CADM2: variants seen among roughly 807,000 people sequenced by gnomAD.
The protein encoded by CADM2 is immunoglobulin superfamily member 4D.
A neutral mutation model predicts 49.8 loss-of-function variants in CADM2; 12 were observed. The ratio of observed to expected loss-of-function variants is 0.24; its 90% confidence interval spans 0.15 to 0.39. The LOEUF is 0.39. Among genes scored for constraint, CADM2 ranks in the 10% least tolerant of loss-of-function variants. The pLI, the probability that CADM2 is intolerant of heterozygous loss-of-function variation, is 1.00. For synonymous variants in CADM2, 214 were observed against 175.4 expected (o/e 1.22, Z -1.74); for missense variants, 378 against 492.3 (o/e 0.77, Z 2.20).
At chr3:86,054,162 C>T (rs924427286) in intron 8 of CADM2, among the ~76,000 whole-genome samples, 2 of 151,738 alleles carry the variant, frequency 1.3e-5, no homozygotes, top group African/African-American at 2.4e-5. Context: ...TAAAAAAAAG[C>T]ATAAGTCTTT....
intron 3 of CADM2, among the ~76,000 whole-genome samples, chr3:85,840,820 T>A (rs2074608738): frequency 6.6e-6 from 1 of 151,876 alleles, no homozygotes; most frequent in Admixed American, 6.6e-5. Context: ...TAAATTTATA[T>A]GAAATGAAAC....
chr3:85,776,902 G>A (rs752897748), intron 2 of CADM2, among the ~76,000 whole-genome samples: 4 of 152,020 alleles, frequency 2.6e-5, no homozygotes, highest in Non-Finnish European at 5.9e-5. Context: ...CAGAATAGAT[G>A]TCTGACACGC....
intron 1 of CADM2, among the ~76,000 whole-genome samples, chr3:85,291,912 T>C: frequency 6.6e-6 from 1 of 151,414 alleles, no homozygotes; most frequent in South Asian, 2.1e-4. Flanking sequence ...AACATCATAA[T>C]GACAGGATCA....
intron 1 of CADM2, among the ~76,000 whole-genome samples, chr3:85,400,057 C>T (rs1458511261): frequency 6.6e-6 from 1 of 152,090 alleles, no homozygotes; most frequent in Non-Finnish European, 1.5e-5. Context: ...CCATTTTTTG[C>T]CCATTCAGTA....
chr3:85,877,950 G>A (rs535399242), intron 3 of CADM2, among the ~76,000 whole-genome samples: 3 of 152,004 alleles, frequency 2.0e-5, no homozygotes, highest in African/African-American at 4.8e-5. Flanking sequence ...TCTTTGGACT[G>A]TTAAATGTTT....
At chr3:86,039,849 A>G (rs900267569) in intron 8 of CADM2, among the ~76,000 whole-genome samples, 1 of 152,190 alleles carries the variant, frequency 6.6e-6, no homozygotes, top group Non-Finnish European at 1.5e-5. Context: ...GGGCAGACTG[A>G]CAACACACAT....
intron 1 of CADM2, among the ~76,000 whole-genome samples, chr3:85,408,406 A>G (rs1259881053): frequency 6.6e-6 from 1 of 152,220 alleles, no homozygotes; most frequent in African/African-American, 2.4e-5. Context: ...GAATGGATGA[A>G]AAATTAATTT....
intron 6 of CADM2, among the ~76,000 whole-genome samples, chr3:85,916,389 T>G (rs1718332845): frequency 6.7e-6 from 1 of 150,146 alleles, no homozygotes; most frequent in South Asian, 2.1e-4. Flanking sequence ...TTCTCATTGT[T>G]AAATTGCCAC....
chr3:85,601,496 A>G (rs1455646429), intron 1 of CADM2, among the ~76,000 whole-genome samples: 1 of 151,398 alleles, frequency 6.6e-6, no homozygotes, highest in East Asian at 1.9e-4. Context: ...TCTTTGTTTC[A>G]TAGAGTGTTT....
chr3:85,979,347 A>G (rs1727194837), intron 8 of CADM2: 1 of 1,554,036 alleles, frequency 6.4e-7, no homozygotes. Flanking sequence ...AGAAGTTTTT[A>G]GAAAGGTTAA....
At chr3:86,066,332 CAAAAAAAAAAAAAAA>C (rs10663610) in intron 9 of CADM2, among the ~76,000 whole-genome samples, 3 of 30,360 alleles carry the variant, frequency 9.9e-5, no homozygotes, top group Non-Finnish European at 1.5e-4. Context: ...GACTCCGTCT[CAAAAAAAAAAAAAAA>C]AAAAAAAAAA....
chr3:85,737,866 C>T (rs1017044972), intron 2 of CADM2, among the ~76,000 whole-genome samples: 2 of 152,052 alleles, frequency 1.3e-5, no homozygotes, highest in African/African-American at 2.4e-5. Context: ...CCTAATTTAA[C>T]TCACTCTTTA....
At chr3:85,083,098 T>C (rs1322874009) in intron 1 of CADM2, among the ~76,000 whole-genome samples, 1 of 152,098 alleles carries the variant, frequency 6.6e-6, no homozygotes, top group Non-Finnish European at 1.5e-5. Context: ...TATGTATATG[T>C]GTATTATATA....
intron 1 of CADM2, among the ~76,000 whole-genome samples, chr3:85,181,780 C>T: frequency 6.6e-6 from 1 of 150,608 alleles, no homozygotes; most frequent in East Asian, 1.9e-4. Context: ...CCTTATTATA[C>T]CTTATTGTTA....
chr3:85,221,790 ACT>A (rs1459687840), intron 1 of CADM2, among the ~76,000 whole-genome samples: 3 of 152,098 alleles, frequency 2.0e-5, no homozygotes, highest in African/African-American at 7.2e-5. Flanking sequence ...TCTTTAAGTG[ACT>A]CTGAGCAAGG....
intron 8 of CADM2, among the ~76,000 whole-genome samples, chr3:85,975,916 G>A (rs1422027250): frequency 1.3e-5 from 2 of 151,366 alleles, no homozygotes; most frequent in Non-Finnish European, 3.0e-5. Flanking sequence ...CTTGGTGTCT[G>A]TGTTCAAATA....
In CADM2 at chr3:85,266,391, G is replaced by T. The variant is rs528336395; in HGVS notation, c.61+306723G>T. On this transcript the variant is annotated intron_variant, in intron 1 of 9. Transcript: ENST00000383699. ...TGAGCCATTTCCAAAAAATATATGG[G>T]TTATAGTAGATAATAGATTCAGACT... Among the ~76,000 whole-genome samples the T allele has an allele frequency of 4.0e-5, 6 of 151,850 alleles. No individual in the cohort carries two copies. The South Asian group carries it at 1.0e-3, about 26-fold the overall frequency.
At chr3:85,342,994 T>C (rs1301898751) in intron 1 of CADM2, among the ~76,000 whole-genome samples, 2 of 152,202 alleles carry the variant, frequency 1.3e-5, no homozygotes, top group Non-Finnish European at 2.9e-5. Flanking sequence ...TTTGCTTTTT[T>C]CCATAATACA....
At chr3:85,449,076 T>TAATAATAATAATAATAA in intron 1 of CADM2, among the ~76,000 whole-genome samples, 1 of 147,856 alleles carries the variant, frequency 6.8e-6, no homozygotes, top group African/African-American at 2.4e-5. Context: ...ATAATAATAA[T>TAATAATAATAATAATAA]GATAAAAATT....
Sources: gnomAD v4.1 joint callset for allele counts (sites outside exome capture counted in the v4.1 genomes callset) on GRCh38, gnomAD v4.1.1 for gene constraint, MANE v1.5 for transcripts, NCBI Gene and HGNC (gene_info 2026-07-23, HGNC 2026-07-21) for gene names.